The following RREB1 variants were observed in gnomAD, a reference collection of about 807,000 sequenced individuals.
RREB1 encodes ras-responsive element-binding protein 1.
In RREB1, 27 loss-of-function variants were observed where a neutral mutation model predicts 117.8. That is an observed-to-expected ratio of 0.23 (90% CI 0.17 to 0.32). The LOEUF is 0.32. RREB1 is among the 10% of genes least tolerant of loss of function. RREB1 has a pLI of 1.00. For missense variants in RREB1, 2,577 were observed against 2,378.2 expected, an observed-to-expected ratio of 1.08 and a Z score of -1.74; for synonymous variants, 1,298 against 1,026.7, an observed-to-expected ratio of 1.26 and a Z score of -5.05.
intron 10 of RREB1, among the ~76,000 whole-genome samples, chr6:7,238,659 G>T (rs1768497063): frequency 6.6e-6 from 1 of 152,062 alleles, no homozygotes; most frequent in South Asian, 2.1e-4. Context: ...AGAATGATAT[G>T]AGGAGACCCT....
chr6:7,211,313 A>AGGGT (rs1281292908), intron 7 of RREB1, among the ~76,000 whole-genome samples: 1 of 1,714 alleles, frequency 5.8e-4, no homozygotes, highest in Admixed American at 0.011. Context: ...GGTGGGTGGG[A>AGGGT]GGGTGGGTGG....
At chr6:7,211,529 A>G in intron 7 of RREB1, 44 bp from the exon 8 acceptor site, 1 of 1,599,022 alleles carries the variant, frequency 6.3e-7, no homozygotes, top group Non-Finnish European at 8.6e-7. Context: ...AAGCCATCCC[A>G]TGTGGGAGAC....
At chr6:7,182,246 G>A in intron 4 of RREB1, 164 bp downstream of exon 4, 2 of 618,994 alleles carry the variant, frequency 3.2e-6, no homozygotes, top group South Asian at 4.6e-5. Flanking sequence ...TATGGCTTAT[G>A]TTAGTTTCCT....
At chr6:7,174,446 C>G (rs769501260) in intron 1 of RREB1, among the ~76,000 whole-genome samples, 11 of 152,020 alleles carry the variant, frequency 7.2e-5, no homozygotes, top group Non-Finnish European at 8.8e-5. Flanking sequence ...TTCCAGGACG[C>G]TACCCGGTGG....
chr6:7,151,160 C>T (rs1763104632), intron 1 of RREB1, among the ~76,000 whole-genome samples: 1 of 152,104 alleles, frequency 6.6e-6, no homozygotes, highest in African/African-American at 2.4e-5. Context: ...AAGCTTTGCC[C>T]CCTTCACGTA....
Position 7,231,133 on chromosome 6 carries a change from G to A in RREB1, c.3034G>A (p.Val1012Ile), listed in dbSNP as rs778364141. Residue 1012 changes from valine to isoleucine, a missense_variant, in exon 10 of 13, where the codon GTT (valine) becomes ATT (isoleucine). Coordinates refer to ENST00000379938, the MANE Select transcript of RREB1 (RefSeq NM_001003699.4). Reference protein sequence around the residue: ...EPPAQPLQGPVQLAVPIYSSA... With the variant: ...EPPAQPLQGPIQLAVPIYSSA... ...CCCAGCACAGCCCCTGCAGGGCCCT[G>A]TTCAGCTGGCGGTCCCAATCTACTC... The A allele has an allele frequency of 4.3e-6, 7 of 1,612,526 alleles. No homozygotes were observed. The highest frequency in any genetic ancestry group is 5.9e-6 in the Non-Finnish European group (7 of 1,179,910).
chr6:7,173,286 C>T (rs540764122), intron 1 of RREB1, among the ~76,000 whole-genome samples: 6 of 152,072 alleles, frequency 3.9e-5, no homozygotes, highest in South Asian at 2.1e-4. Context: ...GAGGCTGGGG[C>T]GGTTTGGATC....
intron 6 of RREB1, among the ~76,000 whole-genome samples, chr6:7,190,156 G>A (rs554506510): frequency 1.1e-4 from 16 of 152,150 alleles, no homozygotes; most frequent in Non-Finnish European, 1.6e-4. Context: ...CTGATACAGC[G>A]GTTAAGTTTC....
At chr6:7,234,598 T>A (rs914080136) in intron 10 of RREB1, among the ~76,000 whole-genome samples, 2 of 152,184 alleles carry the variant, frequency 1.3e-5, no homozygotes, top group African/African-American at 4.8e-5. Context: ...GGGGTAGATA[T>A]AAATATAAAC....
chr6:7,141,920 G>C (rs1762614557), intron 1 of RREB1, among the ~76,000 whole-genome samples: 1 of 152,208 alleles, frequency 6.6e-6, no homozygotes, highest in South Asian at 2.1e-4. Context: ...TTTCTGGGCC[G>C]GGAGCGGTGG....
chr6:7,215,110 T>C (rs9378487), intron 8 of RREB1: 17,273 of 152,846 alleles, frequency 0.11, 2,033 homozygotes, highest in African/African-American at 0.29. Context: ...CGAGCTGGCG[T>C]TTGGAATCGG....
intron 1 of RREB1, among the ~76,000 whole-genome samples, chr6:7,129,543 T>G (rs921303583): frequency 6.6e-6 from 1 of 152,262 alleles, no homozygotes; most frequent in African/African-American, 2.4e-5. Flanking sequence ...TGGCAGCTCG[T>G]ACAGGATGAA....
chr6:7,167,204 A>C (rs181633697), intron 1 of RREB1, among the ~76,000 whole-genome samples: 1 of 152,182 alleles, frequency 6.6e-6, no homozygotes, highest in Non-Finnish European at 1.5e-5. Flanking sequence ...TTCAGCAGCA[A>C]CTGAAGTCAG....
chr6:7,147,772 C>G (rs574361914), intron 1 of RREB1, among the ~76,000 whole-genome samples: 1 of 152,060 alleles, frequency 6.6e-6, no homozygotes, highest in South Asian at 2.1e-4. Context: ...TAACTTCATT[C>G]CTTCAACTTA....
chr6:7,176,565 A>G (rs1336014718), intron 1 of RREB1, 90 bp from the exon 2 acceptor site: 2 of 152,732 alleles, frequency 1.3e-5, no homozygotes, highest in African/African-American at 4.8e-5. Flanking sequence ...AATGTTTTCT[A>G]GTCCTAATTG....
chr6:7,246,881 C>G lies in RREB1; in HGVS notation c.4431C>G (p.Asp1477Glu). 2.6e-6 allele frequency: 4 copies of G among 1,552,752 alleles called. No homozygotes were observed. The highest frequency in any genetic ancestry group is 3.5e-6 in the Non-Finnish European group (4 of 1,148,508). Residue 1477 changes from aspartate to glutamate, a missense_variant, in exon 12 of 13, where the codon GAC (aspartate) becomes GAG (glutamate). Physicochemically the swap from Asp to Glu is conservative, Grantham distance 45. Transcript: ENST00000379938. ...RKAHGRQEPK[D>E]EKGDGASTAE... Reference sequence around the variant, plus strand: ...CGCACGGCCGCCAGGAGCCCAAGGACGAGAAGGGAGATGGCGCCAGCACTG... The same window carrying G: ...CGCACGGCCGCCAGGAGCCCAAGGAGGAGAAGGGAGATGGCGCCAGCACTG...
intron 1 of RREB1, among the ~76,000 whole-genome samples, chr6:7,126,149 G>C (rs528964429): frequency 3.6e-4 from 55 of 150,926 alleles, no homozygotes; most frequent in Admixed American, 1.5e-3. Flanking sequence ...TTACAGGTGC[G>C]CACCACCACA....
At chr6:7,148,552 T>TG (rs1762975355) in intron 1 of RREB1, among the ~76,000 whole-genome samples, 1 of 111,800 alleles carries the variant, frequency 8.9e-6, no homozygotes, top group Non-Finnish European at 1.8e-5. Flanking sequence ...TGGGGGGGGG[T>TG]GGGTATGTCA....
chr6:7,245,193 C>T (rs1031021492), intron 11 of RREB1, among the ~76,000 whole-genome samples: 8 of 151,930 alleles, frequency 5.3e-5, no homozygotes, highest in Admixed American at 2.6e-4. Context: ...GTCAGGAGTT[C>T]GAGACCAGCC....
Sources: gnomAD v4.1 joint callset for allele counts (sites outside exome capture counted in the v4.1 genomes callset) on GRCh38, gnomAD v4.1.1 for gene constraint, MANE v1.5 for transcripts, NCBI Gene and HGNC (gene_info 2026-07-23, HGNC 2026-07-21) for gene names.